The following SLC2A9 variants were observed in gnomAD, a reference collection of about 807,000 sequenced individuals.
The protein encoded by SLC2A9 is solute carrier family 2 member 9.
In SLC2A9, 39 loss-of-function variants were observed where a neutral mutation model predicts 50.6. The observed-to-expected ratio is 0.77, with a 90% confidence interval of 0.60 to 1.01. The LOEUF (loss-of-function observed/expected upper bound fraction) is 1.01, where lower values mean the gene tolerates loss of function less well. Among genes scored for constraint, SLC2A9 ranks in the 50% least tolerant of loss-of-function variants. SLC2A9 has a pLI of 0.00. For synonymous variants in SLC2A9, 324 were observed against 276.9 expected, an observed-to-expected ratio of 1.17 and a Z score of -1.69; for missense variants, 686 against 677.6, an observed-to-expected ratio of 1.01 and a Z score of -0.14.
chr4:9,915,350 G>A (rs911819210), intron 7 of SLC2A9, among the ~76,000 whole-genome samples: 1 of 152,188 alleles, frequency 6.6e-6, no homozygotes, highest in African/African-American at 2.4e-5. Flanking sequence ...TGATTCTCCT[G>A]CCTCAGCCTC....
intron 10 of SLC2A9, among the ~76,000 whole-genome samples, chr4:9,846,730 A>G (rs1560185460): frequency 6.6e-6 from 1 of 152,220 alleles, no homozygotes; most frequent in East Asian, 1.9e-4. Flanking sequence ...CTCTTGCCCA[A>G]GTAACCAGAG....
At chr4:9,862,304 C>T (rs1054553213) in intron 10 of SLC2A9, among the ~76,000 whole-genome samples, 3 of 152,014 alleles carry the variant, frequency 2.0e-5, no homozygotes, top group Admixed American at 6.5e-5. Flanking sequence ...TATTTGTTTT[C>T]CCCCAAGTTG....
At position 10,019,089 on chromosome 4, in the gene SLC2A9, AC is replaced by A; in HGVS notation, c.151-17del. The A allele has an allele frequency of 6.5e-7, 1 of 1,549,816 alleles. No individual in the cohort carries two copies. The highest frequency in any genetic ancestry group is 8.7e-7 in the Non-Finnish European group (1 of 1,145,790). ...AGGACCAGTCCTGAGGGGAGAGGAA[AC>A]CACGTCAGAGCCGGCACCGGGCGCG... On this transcript the variant is annotated splice_polypyrimidine_tract_variant and intron_variant, in intron 1 of 11. Coordinates refer to ENST00000264784, the MANE Select transcript of SLC2A9 (RefSeq NM_020041.3).
chr4:9,991,870 T>C (rs1757772090), intron 3 of SLC2A9, among the ~76,000 whole-genome samples: 1 of 152,160 alleles, frequency 6.6e-6, no homozygotes, highest in Non-Finnish European at 1.5e-5. Context: ...AAAATGAATG[T>C]CTGTTTGCTG....
rs74450288 is a variant in SLC2A9 at position 9,948,006 on chromosome 4, T to C, written c.682-5961A>G. 9.6e-3 allele frequency among the ~76,000 whole-genome samples: 1,454 copies of C among 152,148 alleles called. 30 individuals are homozygous for C. Among genetic ancestry groups the C allele is most frequent in the African/African-American group, 0.033 (1,365 of 41,496 alleles). On this transcript the variant is annotated intron_variant, in intron 5 of 11. Transcript: ENST00000264784. ...TAAGGTTGCCTCCATGTCCATCACC[T>C]CGCCATACAGGATTCATACAAATTC...
chr4:9,829,086 A>G (rs1725601100), intron 11 of SLC2A9, among the ~76,000 whole-genome samples: 1 of 152,110 alleles, frequency 6.6e-6, no homozygotes, highest in African/African-American at 2.4e-5. Flanking sequence ...GATTATTCTC[A>G]CAGTTTCACA....
chr4:10,016,839 T>C (rs748210363), intron 2 of SLC2A9, among the ~76,000 whole-genome samples: 14 of 152,196 alleles, frequency 9.2e-5, no homozygotes, highest in Non-Finnish European at 7.4e-5. Context: ...GAATCTGCCA[T>C]GGCTCCCTAC....
chr4:9,825,240 G>T (rs1724946062), downstream of SLC2A9, among the ~76,000 whole-genome samples: 1 of 152,176 alleles, frequency 6.6e-6, no homozygotes, highest in South Asian at 2.1e-4. Context: ...ACGATGGCAG[G>T]CTGTAAGTAG....
chr4:9,809,211 G>T (rs1722528054), intron 3 of SLC2A9, among the ~76,000 whole-genome samples: 1 of 152,172 alleles, frequency 6.6e-6, no homozygotes, highest in South Asian at 2.1e-4. Flanking sequence ...GACAAAAGTG[G>T]ACAGATAATC....
rs114004127 is a variant in SLC2A9, at chr4:9,791,004, T to G, written n.386-10939A>C. Among the ~76,000 whole-genome samples the G allele has an allele frequency of 7.0e-3, 1,071 of 152,356 alleles. 16 individuals are homozygous for G. Among genetic ancestry groups the G allele is most frequent in the African/African-American group, 0.024 (1,002 of 41,588 alleles). On this transcript the variant is annotated intron_variant and non_coding_transcript_variant, in intron 3 of 3. Transcript: ENST00000503803. Reference sequence around the variant, plus strand: ...TACCACATAAAATAATTTGAATGTATAGTCTTTGTGGTTGATGGTCTAAAT... The same window carrying G: ...TACCACATAAAATAATTTGAATGTAGAGTCTTTGTGGTTGATGGTCTAAAT...
chr4:9,795,973 A>G (rs1427916892), downstream of SLC2A9, among the ~76,000 whole-genome samples: 4 of 152,244 alleles, frequency 2.6e-5, no homozygotes, highest in Non-Finnish European at 5.9e-5. Flanking sequence ...TCCAGGTTGT[A>G]GGTACAAGTA....
At chr4:10,019,152 A>G in intron 1 of SLC2A9, 79 bp from the exon 2 acceptor site, 1 of 1,173,122 alleles carries the variant, frequency 8.5e-7, no homozygotes, top group Non-Finnish European at 1.2e-6. Flanking sequence ...ACGTTCCCTC[A>G]GCTGGGGGAG....
intron 10 of SLC2A9, among the ~76,000 whole-genome samples, chr4:9,875,164 T>G: frequency 9.5e-6 from 1 of 104,774 alleles, no homozygotes; most frequent in Non-Finnish European, 2.1e-5. Context: ...TGCTGTGTCT[T>G]TAGAAATGGC....
At chr4:9,938,405 G>C (rs1747507942) in intron 6 of SLC2A9, among the ~76,000 whole-genome samples, 1 of 151,556 alleles carries the variant, frequency 6.6e-6, no homozygotes, top group Admixed American at 6.6e-5. Context: ...CAGAGTAGCT[G>C]GGACTACAGG....
intron 7 of SLC2A9, among the ~76,000 whole-genome samples, chr4:9,917,758 A>T (rs997852014): frequency 6.6e-6 from 1 of 152,068 alleles, no homozygotes; most frequent in Non-Finnish European, 1.5e-5. Context: ...CTCCCATGGG[A>T]TGTTTGGCAG....
intron 1 of SLC2A9, among the ~76,000 whole-genome samples, chr4:10,020,290 A>T (rs1763352442): frequency 6.6e-6 from 1 of 151,878 alleles, no homozygotes; most frequent in African/African-American, 2.4e-5. Flanking sequence ...TATCAGCTTT[A>T]CCTCCAGGGC....
At chr4:9,906,269 C>T (rs1181055865) in intron 8 of SLC2A9, among the ~76,000 whole-genome samples, 1 of 152,182 alleles carries the variant, frequency 6.6e-6, no homozygotes, top group African/African-American at 2.4e-5. Context: ...ACCCAGAAAG[C>T]ATGGCACTGC....
At chr4:9,812,469 A>G (rs776021842) in intron 3 of SLC2A9, among the ~76,000 whole-genome samples, 1 of 152,070 alleles carries the variant, frequency 6.6e-6, no homozygotes, top group Non-Finnish European at 1.5e-5. Context: ...GTGTGAAAAT[A>G]CTTAACATAG....
At chr4:9,860,895 G>C (rs1267335199) in intron 10 of SLC2A9, among the ~76,000 whole-genome samples, 1 of 152,188 alleles carries the variant, frequency 6.6e-6, no homozygotes, top group African/African-American at 2.4e-5. Context: ...CCTCTGCCTG[G>C]ATTGCTCATG....
Sources: allele counts gnomAD v4.1 joint callset (sites outside exome capture counted in the v4.1 genomes callset), GRCh38; gene constraint gnomAD v4.1.1; transcripts MANE v1.5; gene names NCBI Gene and HGNC (gene_info 2026-07-23, HGNC 2026-07-21).